Variants in NOB1 observed in about 807,000 individuals in gnomAD.
The protein encoded by NOB1 is RNA-binding protein NOB1.
NOB1 carries 44 observed loss-of-function variants against 44.8 expected under a neutral mutation model. The ratio of observed to expected loss-of-function variants is 0.98; its 90% confidence interval spans 0.77 to 1.26. NOB1 has a LOEUF of 1.26. Among genes scored for constraint, NOB1 ranks in the 50% most tolerant of loss-of-function variants. The pLI, the probability that NOB1 is intolerant of heterozygous loss-of-function variation, is 0.00. For missense variants in NOB1, 560 were observed against 544.8 expected, an observed-to-expected ratio of 1.03 and a Z score of -0.28; for synonymous variants, 238 against 218.7, an observed-to-expected ratio of 1.09 and a Z score of -0.78.
chr16:69,743,082 A>G (rs1363358095), intron 8 of NOB1, among the ~76,000 whole-genome samples: 1 of 152,160 alleles, frequency 6.6e-6, no homozygotes, highest in Non-Finnish European at 1.5e-5. Flanking sequence ...GTTGTGCCAT[A>G]AAGTTTGACA....
rs775365811 is a variant in NOB1 at position 69,744,061 on chromosome 16, AC to A, written c.969+811del. Among the ~76,000 whole-genome samples the A allele has an allele frequency of 4.3e-4, 65 of 152,366 alleles. 1 individual carries two copies. The highest frequency in any genetic ancestry group is 3.4e-3 in the Middle Eastern group (1 of 294). On this transcript the variant is annotated intron_variant, in intron 8 of 8. Coordinates refer to ENST00000268802, the MANE Select transcript of NOB1 (RefSeq NM_014062.3). ...AATTATTAGCCGGGTGCAGTGGCTC[AC>A]GCCTGTAATCCCAGCACTTTGGGAG...
At chr16:69,751,189 G>GCCC (rs2038479713) in intron 3 of NOB1, among the ~76,000 whole-genome samples, 1 of 152,088 alleles carries the variant, frequency 6.6e-6, no homozygotes, top group Admixed American at 6.6e-5. Flanking sequence ...GGGCCCAAGT[G>GCCC]ATCCTCCTGC....
intron 6 of NOB1, 25 bp from the exon 7 acceptor site, chr16:69,748,354 A>T: frequency 6.3e-7 from 1 of 1,587,932 alleles, no homozygotes; most frequent in Non-Finnish European, 8.6e-7. Flanking sequence ...TAAAGAAGAA[A>T]TCAATTTTCT....
At chr16:69,748,066 G>A (rs1305536975) in intron 7 of NOB1, among the ~76,000 whole-genome samples, 166 bp downstream of exon 7, 1 of 152,174 alleles carries the variant, frequency 6.6e-6, no homozygotes, top group Non-Finnish European at 1.5e-5. Flanking sequence ...TTGGGAGGTT[G>A]AGGCAGGAGA....
At position 69,744,897 on chromosome 16, in the gene NOB1, C is replaced by T; in HGVS notation, c.945G>A (p.Lys315=). The T allele has an allele frequency of 6.2e-7, 1 of 1,613,846 alleles. No individual in the cohort carries two copies. Among genetic ancestry groups the T allele is most frequent in the Non-Finnish European group, 8.5e-7 (1 of 1,179,998 alleles). Residue 315 remains lysine, a synonymous_variant, in exon 8 of 9, where the codon AAG becomes AAA. Transcript: ENST00000268802. ...CCCGGAGGCCGCGGGGGTTCAGCAC[C>T]TTGGGGTTGCGGGAGAAGTGCATGT... ...TLHMHFSRNP[K]VLNPRGLRYS... is the part of the protein sequence containing the mutation.
chr16:69,742,887 C>T (rs1597613884), intron 8 of NOB1, among the ~76,000 whole-genome samples: 1 of 152,168 alleles, frequency 6.6e-6, no homozygotes, highest in African/African-American at 2.4e-5. Flanking sequence ...TTTACACACA[C>T]ATGTATGTAT....
intron 7 of NOB1, among the ~76,000 whole-genome samples, chr16:69,747,102 G>A (rs2038438252): frequency 6.7e-6 from 1 of 150,046 alleles, no homozygotes; most frequent in South Asian, 2.1e-4. Flanking sequence ...GGTGCCTGTA[G>A]TCCCAGCTAC....
intron 5 of NOB1, 29 bp from the exon 6 acceptor site, chr16:69,749,147 C>T: frequency 6.2e-7 from 1 of 1,614,094 alleles, no homozygotes; most frequent in Non-Finnish European, 8.5e-7. Flanking sequence ...TTTCAAACTC[C>T]CAACCCACAG....
chr16:69,748,695 A>G lies in NOB1; in HGVS notation c.726+223T>C, dbSNP rs570541153. 6.5e-4 allele frequency: 351 copies of G among 542,348 alleles called. 1 individual carries two copies. Among genetic ancestry groups the G allele is most frequent in the South Asian group, 3.1e-3 (106 of 33,998 alleles). 33.6% of individuals were successfully genotyped at this position (542,348 alleles called of 1,614,324 possible). A position where few individuals can be genotyped will look rare whatever the true frequency, so the allele number is the denominator to read the frequency against. On this transcript the variant is annotated intron_variant, in intron 6 of 8. Coordinates refer to ENST00000268802, the MANE Select transcript of NOB1 (RefSeq NM_014062.3). Reference sequence around the variant, plus strand: ...CTGAAAAAAAAATCATAAAAAAATCATAAATAGTAAACGTTAAACATTTAA... The same window carrying G: ...CTGAAAAAAAAATCATAAAAAAATCGTAAATAGTAAACGTTAAACATTTAA...
Position 69,742,340 on chromosome 16 carries a change from T to C in NOB1, c.1231A>G (p.Lys411Glu). 1.2e-6 allele frequency: 2 copies of C among 1,611,272 alleles called. No individual in the cohort carries two copies. Among genetic ancestry groups the C allele is most frequent in the Non-Finnish European group, 1.7e-6 (2 of 1,177,618 alleles). Residue 411 changes from lysine (K) to glutamate (E), a missense_variant, in exon 9 of 9, where the codon AAA becomes GAA. Physicochemically the swap from Lys to Glu is moderately conservative, Grantham distance 56. Coordinates refer to ENST00000268802, the MANE Select transcript of NOB1 (RefSeq NM_014062.3). ...PNASRKKFVK[K>E]R is the part of the protein sequence containing the mutation. ...CTGCGGGAACTCGCTCTTCACCTTT[T>C]CTTCACAAACTTCTTTCTGGAAGCG...
intron 1 of NOB1, 30 bp downstream of exon 1, chr16:69,754,818 C>G (rs781264825): frequency 6.2e-7 from 1 of 1,607,206 alleles, no homozygotes; most frequent in Non-Finnish European, 8.5e-7. Context: ...CAGCCCAGAT[C>G]TCTCTCGTCC....
Position 69,754,730 on chromosome 16 carries a change from C to A in NOB1, c.64-4G>T. Reference sequence around the variant, plus strand: ...TGTAAATGTTCTTCCCGATGTCCTGCGGACAGAACGCCCCAGCTCAGACCC... The same window carrying A: ...TGTAAATGTTCTTCCCGATGTCCTGAGGACAGAACGCCCCAGCTCAGACCC... On this transcript the variant is annotated splice_region_variant and splice_polypyrimidine_tract_variant and intron_variant, in intron 1 of 8. Transcript: ENST00000268802. 1.2e-6 allele frequency: 2 copies of A among 1,614,088 alleles called. No individual in the cohort carries two copies. Among genetic ancestry groups the A allele is most frequent in the Non-Finnish European group, 1.7e-6 (2 of 1,180,038 alleles).
intron 7 of NOB1, among the ~76,000 whole-genome samples, chr16:69,745,867 C>T (rs1479537977): frequency 2.0e-5 from 3 of 152,228 alleles, no homozygotes; most frequent in East Asian, 1.9e-4. Flanking sequence ...TTATTTTGTA[C>T]ATCAAACTGT....
At chr16:69,747,539 C>A (rs1255419026) in intron 7 of NOB1, among the ~76,000 whole-genome samples, 1 of 152,092 alleles carries the variant, frequency 6.6e-6, no homozygotes. Context: ...ATCCATCACC[C>A]CCCAGCTTCA....
Position 69,744,571 on chromosome 16 carries a change from G to A in NOB1, c.969+302C>T, listed in dbSNP as rs535875815. 2.1e-4 allele frequency among the ~76,000 whole-genome samples: 32 copies of A among 152,130 alleles called. No individual in the cohort carries two copies. In the South Asian group the frequency reaches 2.9e-3, roughly 14 times the overall value. ...GCTTTCCACACCCGTTCCTCTCTGCGTCATGGGCTTCCCGAGACCCTGCCC... is the reference window on the plus strand; with the variant it reads ...GCTTTCCACACCCGTTCCTCTCTGCATCATGGGCTTCCCGAGACCCTGCCC... On this transcript the variant is annotated intron_variant, in intron 8 of 8. Transcript: ENST00000268802.
intron 3 of NOB1, among the ~76,000 whole-genome samples, chr16:69,750,107 G>C (rs1406401244): frequency 4.7e-5 from 7 of 150,404 alleles, no homozygotes; most frequent in Admixed American, 4.0e-4. Flanking sequence ...AGGTTCAAGC[G>C]ATTCTCATGC....
intron 8 of NOB1, among the ~76,000 whole-genome samples, chr16:69,743,767 CTTCTT>C (rs1466607874): frequency 1.3e-5 from 2 of 152,202 alleles, no homozygotes; most frequent in African/African-American, 2.4e-5. Flanking sequence ...AAAAAATCCC[CTTCTT>C]TTGTCAGAAA....
Position 69,742,379 on chromosome 16 carries a change from G to A in NOB1, c.1192C>T (p.Arg398Cys), listed in dbSNP as rs768728190. ...RDSTLGAGRR[R>C]LNPNASRKKF... is the part of the protein sequence containing the mutation. ...TTTCTGGAAGCGTTGGGATTTAAGC[G>A]TCTCCGCCCAGCTCCCAAGGTGCTG... The change falls in exon 9 of 9, where the codon CGC becomes TGC. Residue 398 changes from arginine to cysteine, a missense_variant. Arg to Cys is a radical substitution (Grantham distance 180, BLOSUM62 -3). Transcript: ENST00000268802. 43 of 1,614,042 alleles carry A rather than the reference G, an allele frequency of 2.7e-5. No individual in the cohort carries two copies. Among genetic ancestry groups the A allele is most frequent in the Admixed American group, 8.3e-5 (5 of 60,010 alleles).
At chr16:69,746,321 A>G (rs1468726674) in intron 7 of NOB1, among the ~76,000 whole-genome samples, 1 of 152,240 alleles carries the variant, frequency 6.6e-6, no homozygotes, top group Non-Finnish European at 1.5e-5. Context: ...AGCCTGCAGA[A>G]TGGCAGATGC....
Sources: gnomAD v4.1 joint callset for allele counts (sites outside exome capture counted in the v4.1 genomes callset) on GRCh38, gnomAD v4.1.1 for gene constraint, MANE v1.5 for transcripts, NCBI Gene and HGNC (gene_info 2026-07-23, HGNC 2026-07-21) for gene names.